SORCS1: variants seen among roughly 807,000 people sequenced by gnomAD.
The protein encoded by SORCS1 is VPS10 domain-containing receptor SorCS1.
A neutral mutation model predicts 146.1 loss-of-function variants in SORCS1; 60 were observed. That is an observed-to-expected ratio of 0.41 (90% CI 0.33 to 0.51). The LOEUF is 0.51. Ranked by LOEUF, SORCS1 falls within the 20% of genes least tolerant of loss-of-function variation. The pLI is 0.21. For synonymous variants in SORCS1, 637 were observed against 584.0 expected (o/e 1.09, Z -1.31); for missense variants, 1,352 against 1,487.6 (o/e 0.91, Z 1.50).
intron 1 of SORCS1, among the ~76,000 whole-genome samples, chr10:106,969,496 GA>G (rs1359326621): frequency 6.6e-6 from 1 of 152,166 alleles, no homozygotes; most frequent in Non-Finnish European, 1.5e-5. Context: ...TTCTGAGATG[GA>G]AGAGTTGAAA....
intron 20 of SORCS1, among the ~76,000 whole-genome samples, chr10:106,618,895 G>GA (rs921520219): frequency 3.8e-4 from 57 of 151,360 alleles, no homozygotes; most frequent in African/African-American, 1.1e-3. Context: ...AGAAAAAAAA[G>GA]AAAAAAAAAT....
At chr10:107,125,289 A>T (rs1966652386) in intron 1 of SORCS1, among the ~76,000 whole-genome samples, 1 of 152,072 alleles carries the variant, frequency 6.6e-6, no homozygotes, top group Non-Finnish European at 1.5e-5. Context: ...CATTTTCTTT[A>T]TTTCAGAAAG....
chr10:106,592,823 C>T (rs1024591560), intron 24 of SORCS1, among the ~76,000 whole-genome samples: 5 of 151,326 alleles, frequency 3.3e-5, no homozygotes, highest in African/African-American at 1.2e-4. Context: ...TCCTAGCCAC[C>T]CAAATATTAA....
At chr10:107,120,419 GTATTA>G (rs1252597831) in intron 1 of SORCS1, among the ~76,000 whole-genome samples, 5 of 152,312 alleles carry the variant, frequency 3.3e-5, no homozygotes, top group African/African-American at 1.2e-4. Context: ...TGATTGTACA[GTATTA>G]TATTATTCTA....
intron 1 of SORCS1, among the ~76,000 whole-genome samples, chr10:106,984,242 G>A (rs924317042): frequency 6.6e-6 from 1 of 152,096 alleles, no homozygotes; most frequent in African/African-American, 2.4e-5. Context: ...GGGTAAGAGT[G>A]ATTAGTTTAT....
intron 18 of SORCS1, among the ~76,000 whole-genome samples, chr10:106,646,453 T>C (rs147140061): frequency 7.4e-4 from 113 of 152,124 alleles, no homozygotes; most frequent in African/African-American, 2.5e-3. Flanking sequence ...CCCAGCACTT[T>C]GGGAGGCCAA....
At chr10:106,766,862 G>A (rs181508752) in intron 4 of SORCS1, among the ~76,000 whole-genome samples, 187 of 152,304 alleles carry the variant, frequency 1.2e-3, no homozygotes, top group African/African-American at 4.3e-3. Flanking sequence ...AATTCACAGC[G>A]GGCTTTGTAA....
At chr10:106,722,584 A>C (rs557199209) in intron 6 of SORCS1, among the ~76,000 whole-genome samples, 1 of 152,290 alleles carries the variant, frequency 6.6e-6, no homozygotes, top group East Asian at 1.9e-4. Flanking sequence ...TTCCCCGGTG[A>C]ATGAGATTAG....
At chr10:107,111,464 T>C (rs1175223547) in intron 1 of SORCS1, among the ~76,000 whole-genome samples, 2 of 152,140 alleles carry the variant, frequency 1.3e-5, no homozygotes, top group African/African-American at 2.4e-5. Context: ...GACTCCACTA[T>C]GCAGAAGAAA....
At chr10:106,934,819 C>T (rs1953626316) in intron 2 of SORCS1, among the ~76,000 whole-genome samples, 1 of 152,036 alleles carries the variant, frequency 6.6e-6, no homozygotes, top group Admixed American at 6.6e-5. Context: ...GAATGGAAAA[C>T]CAATTACCAT....
At position 107,135,029 on chromosome 10, in the gene SORCS1, C is replaced by T. The variant is rs561443533; in HGVS notation, c.558+28940G>A. Reference sequence around the variant, plus strand: ...TGGGTGAGGATCTGTCCTGTCTGAACACAGGGCCTAACACATAATAGGAGC... The same window carrying T: ...TGGGTGAGGATCTGTCCTGTCTGAATACAGGGCCTAACACATAATAGGAGC... On this transcript the variant is annotated intron_variant, in intron 1 of 25. Transcript: ENST00000263054. 1.0e-3 allele frequency among the ~76,000 whole-genome samples: 153 copies of T among 152,292 alleles called. 1 individual carries two copies. The highest frequency in any genetic ancestry group is 1.6e-3 in the Admixed American group (25 of 15,298).
chr10:107,120,619 G>A (rs1281643652), intron 1 of SORCS1, among the ~76,000 whole-genome samples: 3 of 152,180 alleles, frequency 2.0e-5, no homozygotes, highest in Non-Finnish European at 4.4e-5. Context: ...TAATGCACAG[G>A]ATAACCTAAT....
At chr10:106,902,330 T>A (rs1257044524) in intron 2 of SORCS1, among the ~76,000 whole-genome samples, 1 of 152,076 alleles carries the variant, frequency 6.6e-6, no homozygotes, top group Admixed American at 6.5e-5. Flanking sequence ...CCATATATAC[T>A]TACATACAAC....
chr10:106,984,219 C>T (rs952043310), intron 1 of SORCS1, among the ~76,000 whole-genome samples: 1 of 152,064 alleles, frequency 6.6e-6, no homozygotes, highest in African/African-American at 2.4e-5. Flanking sequence ...AGGAAGATAG[C>T]ATGGCATCTT....
Position 107,024,191 on chromosome 10 carries a change from A to G in SORCS1, c.559-67611T>C, listed in dbSNP as rs113315325. On this transcript the variant is annotated intron_variant, in intron 1 of 25. Coordinates refer to ENST00000263054, the MANE Select transcript of SORCS1 (RefSeq NM_052918.5). ...TCCATCTCAAAAAAAAAAAAAAAAA[A>G]AAGAAGAAGAGAGGTTTATTTGGCC... Among the ~76,000 whole-genome samples, 376 of 150,292 alleles carry G rather than the reference A, an allele frequency of 2.5e-3. 1 individual carries two copies. Among genetic ancestry groups the G allele is most frequent in the African/African-American group, 8.7e-3 (348 of 40,108 alleles).
At chr10:107,073,023 G>C (rs1241661392) in intron 1 of SORCS1, among the ~76,000 whole-genome samples, 1 of 152,160 alleles carries the variant, frequency 6.6e-6, no homozygotes, top group Admixed American at 6.6e-5. Flanking sequence ...ACACTGTCTG[G>C]GTGATGTCTG....
intron 2 of SORCS1, among the ~76,000 whole-genome samples, chr10:106,933,505 C>T (rs1422716540): frequency 6.6e-6 from 1 of 152,152 alleles, no homozygotes; most frequent in Non-Finnish European, 1.5e-5. Flanking sequence ...ATTTATTAAA[C>T]AACTAGTTAA....
chr10:106,775,150 T>C (rs991529612), intron 4 of SORCS1, among the ~76,000 whole-genome samples: 1 of 152,180 alleles, frequency 6.6e-6, no homozygotes, highest in Non-Finnish European at 1.5e-5. Flanking sequence ...CTTAGGCAGG[T>C]AAATCTGGTC....
intron 1 of SORCS1, among the ~76,000 whole-genome samples, chr10:107,139,348 A>T (rs186192638): frequency 1.9e-4 from 29 of 152,344 alleles, no homozygotes; most frequent in Middle Eastern, 3.4e-3. Context: ...TCTGAAGAAA[A>T]AAAAAGTCAA....
Sources: allele counts gnomAD v4.1 joint callset (sites outside exome capture counted in the v4.1 genomes callset), GRCh38; gene constraint gnomAD v4.1.1; transcripts MANE v1.5; gene names NCBI Gene and HGNC (gene_info 2026-07-23, HGNC 2026-07-21).